Variants in TMEM132D observed in about 807,000 individuals in gnomAD.
TMEM132D encodes transmembrane protein 132D.
A neutral mutation model predicts 62.3 loss-of-function variants in TMEM132D; 21 were observed. That is an observed-to-expected ratio of 0.34 (90% CI 0.24 to 0.49). The LOEUF (loss-of-function observed/expected upper bound fraction) is 0.49, where lower values mean the gene tolerates loss of function less well. Ranked by LOEUF, TMEM132D falls within the 20% of genes least tolerant of loss-of-function variation. The probability of loss-of-function intolerance (pLI) is 0.99; values close to 1 mark genes in which losing one functional copy is unlikely to be tolerated. For synonymous variants in TMEM132D, 621 were observed against 575.6 expected, an observed-to-expected ratio of 1.08 and a Z score of -1.13; for missense variants, 1,346 against 1,402.8, an observed-to-expected ratio of 0.96 and a Z score of 0.65.
chr12:129,240,789 C>T (rs1017397645), intron 4 of TMEM132D, among the ~76,000 whole-genome samples: 1 of 152,146 alleles, frequency 6.6e-6, no homozygotes, highest in African/African-American at 2.4e-5. Context: ...GATGCTCTTC[C>T]ACCAGAAACT....
chr12:129,489,504 A>T (rs1418832335), intron 3 of TMEM132D, among the ~76,000 whole-genome samples: 1 of 152,232 alleles, frequency 6.6e-6, no homozygotes, highest in East Asian at 1.9e-4. Context: ...GATAAAGAAT[A>T]CTTGCATACA....
intron 1 of TMEM132D, among the ~76,000 whole-genome samples, chr12:129,720,461 T>C (rs1486753050): frequency 6.6e-6 from 1 of 152,212 alleles, no homozygotes; most frequent in African/African-American, 2.4e-5. Flanking sequence ...GCCAACAATT[T>C]GCCAAAGTCT....
chr12:129,818,113 T>C (rs1872418152), intron 1 of TMEM132D, among the ~76,000 whole-genome samples: 1 of 144,882 alleles, frequency 6.9e-6, no homozygotes, highest in South Asian at 2.3e-4. Flanking sequence ...TATGTATGTG[T>C]ATCTGTATGT....
At chr12:129,643,159 G>A (rs868676334) in intron 2 of TMEM132D, among the ~76,000 whole-genome samples, 8 of 152,092 alleles carry the variant, frequency 5.3e-5, no homozygotes, top group African/African-American at 1.9e-4. Flanking sequence ...TCCTGACCTC[G>A]TGATCCACCC....
rs1352954414 is a variant in TMEM132D, at chr12:129,084,493, C to G, written c.1649+4G>C. On this transcript the variant is annotated splice_donor_region_variant and intron_variant, in intron 6 of 8. Coordinates refer to ENST00000422113, the MANE Select transcript of TMEM132D (RefSeq NM_133448.3). The stretch of plus-strand genomic sequence containing the variant: ...CTGCCATGGAGTTTCAGGGACATAC[C>G]CACCTCCTGCTGGAGACGATGGGCA... 1 of 1,585,854 alleles carries G rather than the reference C, an allele frequency of 6.3e-7. No individual in the cohort carries two copies.
At position 129,089,967 on chromosome 12, in the gene TMEM132D, G is replaced by C. The variant is rs550249741; in HGVS notation, c.1444-5265C>G. On this transcript the variant is annotated intron_variant, in intron 5 of 8. Coordinates refer to ENST00000422113, the MANE Select transcript of TMEM132D (RefSeq NM_133448.3). ...TAAAAACCTCCTTTTAGCACTTAAAGGGGTGTGAGGAAAAGCACAGCAGAA... is the reference window on the plus strand; with the variant it reads ...TAAAAACCTCCTTTTAGCACTTAAACGGGTGTGAGGAAAAGCACAGCAGAA... Among the ~76,000 whole-genome samples, 3 of 152,354 alleles carry C rather than the reference G, an allele frequency of 2.0e-5. No homozygotes were observed. The East Asian group carries it at 5.8e-4, about 29-fold the overall frequency.
intron 4 of TMEM132D, among the ~76,000 whole-genome samples, chr12:129,234,632 T>C (rs1879731530): frequency 6.6e-6 from 1 of 152,192 alleles, no homozygotes; most frequent in African/African-American, 2.4e-5. Flanking sequence ...GCATAGTGCA[T>C]GAAGTTCCCT....
intron 3 of TMEM132D, among the ~76,000 whole-genome samples, chr12:129,448,071 C>A (rs1873159535): frequency 6.6e-6 from 1 of 152,290 alleles, no homozygotes; most frequent in African/African-American, 2.4e-5. Context: ...AGAATGAATG[C>A]ATGAGGGAAT....
chr12:129,224,523 G>T (rs945770804), intron 4 of TMEM132D, among the ~76,000 whole-genome samples: 1 of 152,174 alleles, frequency 6.6e-6, no homozygotes, highest in African/African-American at 2.4e-5. Context: ...AACCAGAGCT[G>T]GCTTTAGGTA....
chr12:129,492,052 G>C (rs1874811873), intron 3 of TMEM132D, among the ~76,000 whole-genome samples: 1 of 152,202 alleles, frequency 6.6e-6, no homozygotes, highest in Admixed American at 6.5e-5. Flanking sequence ...AATTGGGTTT[G>C]TTTATTAACA....
intron 2 of TMEM132D, among the ~76,000 whole-genome samples, chr12:129,616,939 C>T (rs933545311): frequency 3.3e-5 from 5 of 152,138 alleles, no homozygotes; most frequent in Admixed American, 6.5e-5. Context: ...TGGATTTTGT[C>T]GCTGTTGTAT....
chr12:129,101,173 G>T (rs1270937778), intron 5 of TMEM132D, among the ~76,000 whole-genome samples: 2 of 152,144 alleles, frequency 1.3e-5, no homozygotes, highest in Non-Finnish European at 2.9e-5. Context: ...AAGCTCTGTG[G>T]TGCCAGTCGG....
intron 2 of TMEM132D, among the ~76,000 whole-genome samples, chr12:129,638,702 G>A (rs995173086): frequency 2.0e-5 from 3 of 151,752 alleles, no homozygotes; most frequent in African/African-American, 7.3e-5. Flanking sequence ...GGTATCATCA[G>A]TATCTCTTGC....
At chr12:129,522,577 C>A (rs1875881378) in intron 3 of TMEM132D, 1 of 151,946 alleles carries the variant, frequency 6.6e-6, no homozygotes, top group Non-Finnish European at 1.5e-5. Flanking sequence ...AGGGACAGAC[C>A]CGAGACCGTG....
intron 5 of TMEM132D, among the ~76,000 whole-genome samples, chr12:129,167,304 C>T (rs1237749910): frequency 6.6e-6 from 1 of 152,140 alleles, no homozygotes; most frequent in Non-Finnish European, 1.5e-5. Context: ...TAGCATCTCC[C>T]AGGAACCAGG....
chr12:129,424,458 C>T (rs1872428616), intron 3 of TMEM132D, among the ~76,000 whole-genome samples: 1 of 151,934 alleles, frequency 6.6e-6, no homozygotes, highest in African/African-American at 2.4e-5. Flanking sequence ...AAAGACATCT[C>T]GGGAGGCCGA....
chr12:129,571,125 T>C (rs1017636457), intron 2 of TMEM132D, among the ~76,000 whole-genome samples: 6 of 152,360 alleles, frequency 3.9e-5, no homozygotes, highest in South Asian at 2.1e-4. Flanking sequence ...CATTTGAATG[T>C]AGCCAAAGGG....
intron 3 of TMEM132D, among the ~76,000 whole-genome samples, chr12:129,515,424 ATT>A (rs535338190): frequency 6.6e-6 from 1 of 152,196 alleles, no homozygotes; most frequent in Non-Finnish European, 1.5e-5. Context: ...GAAAGTTGAC[ATT>A]TCAAACCCTT....
intron 3 of TMEM132D, among the ~76,000 whole-genome samples, chr12:129,413,556 C>T (rs1287224962): frequency 6.6e-6 from 1 of 152,150 alleles, no homozygotes; most frequent in Non-Finnish European, 1.5e-5. Flanking sequence ...GTGATTTTCT[C>T]ACCCTAGAGA....
Sources: gnomAD v4.1 joint callset for allele counts (sites outside exome capture counted in the v4.1 genomes callset) on GRCh38, gnomAD v4.1.1 for gene constraint, MANE v1.5 for transcripts, NCBI Gene and HGNC (gene_info 2026-07-23, HGNC 2026-07-21) for gene names.